The following DYNC2H1 variants were observed in gnomAD, a reference collection of about 807,000 sequenced individuals.
DYNC2H1 encodes cytoplasmic dynein 2 heavy chain 1.
In DYNC2H1, 410 loss-of-function variants were observed where a neutral mutation model predicts 570.0. That is an observed-to-expected ratio of 0.72 (90% confidence interval 0.66 to 0.78). The LOEUF is 0.78. Ranked by LOEUF, DYNC2H1 falls within the 30% of genes least tolerant of loss-of-function variation. The probability of loss-of-function intolerance (pLI) is 0.00; values close to 1 mark genes in which losing one functional copy is unlikely to be tolerated. For missense variants in DYNC2H1, 4,865 were observed against 5,046.4 expected, an observed-to-expected ratio of 0.96 and a Z score of 1.09; for synonymous variants, 1,688 against 1,677.6, an observed-to-expected ratio of 1.01 and a Z score of -0.15.
At position 103,456,635 on chromosome 11, in the gene DYNC2H1, T is replaced by C. The variant is rs116442178; in HGVS notation, c.12648+279T>C. On this transcript the variant is annotated intron_variant, in intron 87 of 88. Transcript: ENST00000375735. ...TACAAACCATGCAGTTCTTTTACCTTACCTGTTCTAAAATTGAACCTAATA... is the reference window on the plus strand; with the variant it reads ...TACAAACCATGCAGTTCTTTTACCTCACCTGTTCTAAAATTGAACCTAATA... Among the ~76,000 whole-genome samples the C allele has an allele frequency of 2.2e-3, 340 of 152,284 alleles. 3 individuals carry two copies. Among genetic ancestry groups the C allele is most frequent in the African/African-American group, 7.9e-3 (327 of 41,566 alleles).
chr11:103,272,325 A>G (rs1865739720), intron 70 of DYNC2H1, among the ~76,000 whole-genome samples: 1 of 152,088 alleles, frequency 6.6e-6, no homozygotes, highest in Non-Finnish European at 1.5e-5. Context: ...TCGCAGGGAC[A>G]AAAAACCAAA....
intron 85 of DYNC2H1, among the ~76,000 whole-genome samples, chr11:103,451,133 G>GTGAT (rs1944583733): frequency 1.3e-5 from 2 of 152,012 alleles, no homozygotes; most frequent in African/African-American, 2.4e-5. Flanking sequence ...TAATTTTGTA[G>GTGAT]TGATATATAG....
Position 103,200,155 on chromosome 11 carries a change from G to C in DYNC2H1, c.8197+1G>C, listed in dbSNP as rs1250990218. ...ATGATCAATAGCCTTTTGTCTTCAG[G>C]CAAGTGAACAGTTTCTTTTCGAAGA... On this transcript the variant is annotated splice_donor_variant, in intron 50 of 88. Transcript: ENST00000375735. LOFTEE classifies it high-confidence loss of function. The C allele has an allele frequency of 2.6e-6, 4 of 1,534,726 alleles. No individual in the cohort carries two copies. The highest frequency in any genetic ancestry group is 3.5e-6 in the Non-Finnish European group (4 of 1,133,716).
At chr11:103,389,699 T>C (rs1408194729) in intron 83 of DYNC2H1, among the ~76,000 whole-genome samples, 2 of 151,598 alleles carry the variant, frequency 1.3e-5, no homozygotes, top group Non-Finnish European at 2.9e-5. Flanking sequence ...ATGTTGTGTC[T>C]TTGTTCTCGT....
intron 40 of DYNC2H1, among the ~76,000 whole-genome samples, chr11:103,184,657 A>G (rs924307144): frequency 6.6e-6 from 1 of 151,924 alleles, no homozygotes; most frequent in African/African-American, 2.4e-5. Flanking sequence ...AATAAACTGT[A>G]TCTATTTGAG....
rs34990087 is a variant in DYNC2H1, at chr11:103,333,002, C to CA, written c.12039+9025dup. ...CGGGAGACAGAGCAAGACTCCAACT[C>CA]AAAAAAAAAAAAATCTTTCTTAAAT... On this transcript the variant is annotated intron_variant, in intron 82 of 88. Transcript: ENST00000375735. Among the ~76,000 whole-genome samples the CA allele has an allele frequency of 1.6e-3, 224 of 143,760 alleles. 2 individuals carry two copies. Among genetic ancestry groups the CA allele is most frequent in the East Asian group, 4.3e-3 (21 of 4,912 alleles). 94.3% of individuals were successfully genotyped at this position (143,760 alleles called of 152,430 possible).
In DYNC2H1 at chr11:103,275,800, G is replaced by A. The variant is rs607814; in HGVS notation, c.10696-4548G>A. On this transcript the variant is annotated intron_variant, in intron 70 of 88. Coordinates refer to ENST00000375735, the MANE Select transcript of DYNC2H1 (RefSeq NM_001377.3). This position sits in a 1 kb window ranked among gnomAD's most constrained non-coding sequence, Gnocchi z 4.8. ...TCTTGGTTGCTTCCAAGTTTTGACA[G>A]TTATGAATAAAGCAGCTGTAAACAT... 0.24 allele frequency among the ~76,000 whole-genome samples: 37,041 copies of A among 152,008 alleles called. 5,043 individuals carry two copies. Among genetic ancestry groups the A allele is most frequent in the African/African-American group, 0.38 (15,726 of 41,454 alleles).
At chr11:103,136,664 T>A (rs1382515350) in intron 17 of DYNC2H1, among the ~76,000 whole-genome samples, 1 of 152,194 alleles carries the variant, frequency 6.6e-6, no homozygotes, top group African/African-American at 2.4e-5. Context: ...TTTGCTATTG[T>A]GAATAGTGCC....
chr11:103,457,212 A>G lies in DYNC2H1; in HGVS notation c.12648+856A>G, dbSNP rs1450444860. On this transcript the variant is annotated intron_variant, in intron 87 of 88. Transcript: ENST00000375735. ...AAGCACATATAATTATGTATAGTACATAATACTTGATAACCGTTCATGCTT... is the reference window on the plus strand; with the variant it reads ...AAGCACATATAATTATGTATAGTACGTAATACTTGATAACCGTTCATGCTT... Among the ~76,000 whole-genome samples, 5 of 152,372 alleles carry G rather than the reference A, an allele frequency of 3.3e-5. No homozygotes were observed. In the East Asian group the frequency reaches 9.6e-4, roughly 29 times the overall value.
At chr11:103,283,670 C>T (rs1432113710) in intron 73 of DYNC2H1, among the ~76,000 whole-genome samples, 1 of 152,042 alleles carries the variant, frequency 6.6e-6, no homozygotes, top group Non-Finnish European at 1.5e-5. Context: ...TGTAATTTTC[C>T]TTGTGTCACA....
In DYNC2H1 at chr11:103,244,365, G is replaced by T. The variant is rs943171939; in HGVS notation, c.9918+574G>T. Among the ~76,000 whole-genome samples the T allele has an allele frequency of 7.9e-5, 12 of 151,738 alleles. No individual in the cohort carries two copies. The highest frequency in any genetic ancestry group is 2.9e-4 in the African/African-American group (12 of 41,372). On this transcript the variant is annotated intron_variant, in intron 64 of 88. Transcript: ENST00000375735. The surrounding 1 kb of genome is among the most constrained non-coding windows in gnomAD (Gnocchi z 4.3). ...TTGGTTAGGTTATTATTTTGTTAAA[G>T]GAAGACCTAATATATGATTAATTTT...
intron 1 of DYNC2H1, among the ~76,000 whole-genome samples, chr11:103,110,793 T>A (rs1378046792): frequency 6.6e-6 from 1 of 152,118 alleles, no homozygotes; most frequent in Non-Finnish European, 1.5e-5. Context: ...TAGCAGAGTT[T>A]TTGACACTCA....
At chr11:103,117,094 A>G (rs552571437) in intron 5 of DYNC2H1, among the ~76,000 whole-genome samples, 1 of 150,302 alleles carries the variant, frequency 6.7e-6, no homozygotes, top group East Asian at 1.9e-4. Flanking sequence ...GGTTATATGT[A>G]CAAATATATT....
At chr11:103,416,222 C>G (rs746885521) in intron 84 of DYNC2H1, among the ~76,000 whole-genome samples, 3 of 152,116 alleles carry the variant, frequency 2.0e-5, no homozygotes, top group Non-Finnish European at 2.9e-5. Flanking sequence ...ATGGGTGCAG[C>G]AAACCAACAT....
intron 86 of DYNC2H1, among the ~76,000 whole-genome samples, chr11:103,455,949 A>G (rs1944771208): frequency 1.3e-5 from 2 of 152,188 alleles, no homozygotes; most frequent in Non-Finnish European, 2.9e-5. Context: ...AGGCTATTAT[A>G]AACATCAAAT....
chr11:103,310,492 T>C (rs1452680170), intron 78 of DYNC2H1, among the ~76,000 whole-genome samples: 1 of 152,016 alleles, frequency 6.6e-6, no homozygotes, highest in Non-Finnish European at 1.5e-5. Flanking sequence ...ATCTTTAGTG[T>C]AGTGCCTTTT....
intron 75 of DYNC2H1, among the ~76,000 whole-genome samples, chr11:103,294,301 A>G (rs1866733304): frequency 6.6e-6 from 1 of 152,092 alleles, no homozygotes; most frequent in South Asian, 2.1e-4. Flanking sequence ...TTGAAGAGCT[A>G]GATATTTATT....
At position 103,253,335 on chromosome 11, in the gene DYNC2H1, G is replaced by T; in HGVS notation, c.10093G>T (p.Glu3365Ter). The T allele has an allele frequency of 6.2e-7, 1 of 1,613,216 alleles. No homozygotes were observed. The highest frequency in any genetic ancestry group is 1.7e-5 in the Admixed American group (1 of 59,958). The change falls in exon 66 of 89, where the codon GAA becomes TAA. Residue 3365 changes from glutamate to a stop codon, truncating the protein, a stop_gained. Coordinates refer to ENST00000375735, the MANE Select transcript of DYNC2H1 (RefSeq NM_001377.3). LOFTEE classifies it high-confidence loss of function. ...IGDKIIDYNE[E>*]FRLFLSTRNP... ...TGACAAAATTATTGACTACAATGAA[G>T]AATTCCGCCTCTTTTTGTCAACAAG...
At chr11:103,423,408 T>TAAAAAAAAAAAAA (rs60223334) in intron 84 of DYNC2H1, among the ~76,000 whole-genome samples, 1 of 120,428 alleles carries the variant, frequency 8.3e-6, no homozygotes, top group African/African-American at 2.7e-5. Flanking sequence ...GCCAAAAAAG[T>TAAAAAAAAAAAAA]AAAAAAAAAA....
Sources: gnomAD v4.1 joint callset for allele counts (sites outside exome capture counted in the v4.1 genomes callset) on GRCh38, gnomAD v4.1.1 for gene constraint, Gnocchi (gnomAD v3.1) non-coding constraint, MANE v1.5 for transcripts, NCBI Gene and HGNC (gene_info 2026-07-23, HGNC 2026-07-21) for gene names.